DLG2: variants seen among roughly 807,000 people sequenced by gnomAD.
The protein encoded by DLG2 is disks large homolog 2.
DLG2 carries 45 observed loss-of-function variants against 132.5 expected under a neutral mutation model. The ratio of observed to expected loss-of-function variants is 0.34; its 90% CI spans 0.27 to 0.44. The LOEUF is 0.44. Among genes scored for constraint, DLG2 ranks in the 20% least tolerant of loss-of-function variants. DLG2 has a pLI of 1.00. For missense variants in DLG2, 1,045 were observed against 1,196.9 expected (o/e 0.87, Z 1.87); for synonymous variants, 424 against 419.6 (o/e 1.01, Z -0.13).
chr11:83,982,481 A>T (rs2092880313), intron 11 of DLG2, among the ~76,000 whole-genome samples: 1 of 99,516 alleles, frequency 1.0e-5, no homozygotes, highest in African/African-American at 4.6e-5. Flanking sequence ...TTTAACGTGT[A>T]AAAAAAAAAA....
chr11:85,508,963 T>C, intron 3 of DLG2, among the ~76,000 whole-genome samples: 1 of 152,052 alleles, frequency 6.6e-6, no homozygotes, highest in African/African-American at 2.4e-5. Flanking sequence ...AAAGTAATAG[T>C]ATAGTTTATT....
intron 6 of DLG2, among the ~76,000 whole-genome samples, chr11:85,042,696 G>A (rs977221080): frequency 5.6e-4 from 85 of 151,794 alleles, no homozygotes; most frequent in African/African-American, 1.9e-3. Context: ...TTAGTGGATT[G>A]CCCACACTCT....
intron 17 of DLG2, among the ~76,000 whole-genome samples, chr11:83,823,122 A>C (rs976310884): frequency 2.0e-5 from 3 of 152,090 alleles, no homozygotes; most frequent in Non-Finnish European, 4.4e-5. Flanking sequence ...TAGCTAATAA[A>C]ATAGGTTATT....
chr11:84,318,692 T>C (rs1470248192), intron 7 of DLG2, among the ~76,000 whole-genome samples: 1 of 152,210 alleles, frequency 6.6e-6, no homozygotes, highest in East Asian at 1.9e-4. Context: ...AGGGTACTTT[T>C]CCAAATTCTG....
At chr11:83,539,678 G>A (rs564489179) in intron 20 of DLG2, among the ~76,000 whole-genome samples, 1 of 151,308 alleles carries the variant, frequency 6.6e-6, no homozygotes, top group African/African-American at 2.4e-5. Flanking sequence ...ATATGAGGTG[G>A]AGCTACTGCA....
chr11:84,701,441 T>C (rs1056972723), intron 6 of DLG2, among the ~76,000 whole-genome samples: 11 of 151,598 alleles, frequency 7.3e-5, no homozygotes, highest in African/African-American at 2.4e-4. Context: ...TGAGGGAAAA[T>C]GCATGTAGCA....
intron 6 of DLG2, among the ~76,000 whole-genome samples, chr11:84,589,403 A>G (rs2099537547): frequency 1.3e-5 from 2 of 152,144 alleles, no homozygotes; most frequent in South Asian, 4.1e-4. Flanking sequence ...CATGAAAATC[A>G]GTGTAAGGTA....
At chr11:85,595,760 G>T (rs1017254693) in intron 3 of DLG2, among the ~76,000 whole-genome samples, 28 of 151,968 alleles carry the variant, frequency 1.8e-4, no homozygotes, top group African/African-American at 6.5e-4. Flanking sequence ...TTTAACCATT[G>T]AATTTTATAT....
intron 16 of DLG2, among the ~76,000 whole-genome samples, chr11:83,842,452 G>C (rs2057771363): frequency 6.6e-6 from 1 of 150,652 alleles, no homozygotes. Context: ...AAATTAGCTG[G>C]GTGTGGTAGC....
chr11:83,620,869 C>CAAAAAAA lies in DLG2; in HGVS notation c.1940+12335_1940+12341dup, dbSNP rs56868518. 3.7e-3 allele frequency among the ~76,000 whole-genome samples: 211 copies of CAAAAAAA among 57,206 alleles called. 23 individuals are homozygous for CAAAAAAA. Among genetic ancestry groups the CAAAAAAA allele is most frequent in the African/African-American group, 0.019 (195 of 10,098 alleles). 37.5% of individuals were successfully genotyped at this position (57,206 alleles called of 152,430 possible). A position where few individuals can be genotyped will look rare whatever the true frequency, so the allele number is the denominator to read the frequency against. The stretch of plus-strand genomic sequence containing the variant: ...TGGGCGACAGAGCGAGACTCCGTCT[C>CAAAAAAA]AAAAAAAAAAAAAAAAAAAAAAAAA... On this transcript the variant is annotated intron_variant, in intron 19 of 27. Coordinates refer to ENST00000376104, the MANE Select transcript of DLG2 (RefSeq NM_001142699.3).
intron 16 of DLG2, among the ~76,000 whole-genome samples, chr11:83,855,231 T>TA (rs1388819085): frequency 6.6e-6 from 1 of 152,218 alleles, no homozygotes; most frequent in Non-Finnish European, 1.5e-5. Context: ...ATGCAAATGG[T>TA]ATAGTCACTT....
At chr11:83,952,713 C>G (rs11233850) in intron 14 of DLG2, among the ~76,000 whole-genome samples, 2 of 151,870 alleles carry the variant, frequency 1.3e-5, no homozygotes, top group African/African-American at 4.8e-5. Flanking sequence ...TCTCTCATTG[C>G]ACATAGTATG....
At chr11:85,601,879 C>T (rs1483267269) in intron 2 of DLG2, among the ~76,000 whole-genome samples, 1 of 152,184 alleles carries the variant, frequency 6.6e-6, no homozygotes. Context: ...CTTCTTTAAT[C>T]TTACTCCCTG....
intron 3 of DLG2, among the ~76,000 whole-genome samples, chr11:85,555,121 G>A (rs1196762840): frequency 6.6e-6 from 1 of 151,826 alleles, no homozygotes; most frequent in Non-Finnish European, 1.5e-5. Context: ...ACTGTCTCAA[G>A]TGCATTGGGT....
chr11:84,930,186 T>C (rs1766645748), intron 6 of DLG2, among the ~76,000 whole-genome samples: 1 of 152,038 alleles, frequency 6.6e-6, no homozygotes, highest in South Asian at 2.1e-4. Flanking sequence ...CCCTACAGAG[T>C]CTTTTTTCTG....
At chr11:84,777,591 T>G (rs1751313835) in intron 6 of DLG2, among the ~76,000 whole-genome samples, 1 of 151,940 alleles carries the variant, frequency 6.6e-6, no homozygotes, top group Admixed American at 6.6e-5. Flanking sequence ...TTCCCTTTTA[T>G]TTGCATCCTC....
chr11:83,899,327 A>G (rs901975220), intron 15 of DLG2, among the ~76,000 whole-genome samples: 1 of 152,156 alleles, frequency 6.6e-6, no homozygotes, highest in African/African-American at 2.4e-5. Flanking sequence ...TTGATCTCAC[A>G]GGCCAAAAAG....
In DLG2 at chr11:85,464,385, G is replaced by A. The variant is rs993274083; in HGVS notation, c.40+134272C>T. 3.9e-5 allele frequency among the ~76,000 whole-genome samples: 6 copies of A among 152,074 alleles called. No homozygotes were observed. The South Asian group carries it at 1.0e-3, about 26-fold the overall frequency. On this transcript the variant is annotated intron_variant, in intron 3 of 27. Transcript: ENST00000376104. ...AAGGCTTGGAGGTTATGGTTTTTAC[G>A]GACAACTTGGTGGGCATGGGGCAAG...
chr11:83,612,694 A>G (rs1425943807), intron 19 of DLG2, among the ~76,000 whole-genome samples: 2 of 152,212 alleles, frequency 1.3e-5, no homozygotes, highest in African/African-American at 2.4e-5. Context: ...CTAGGAAGGC[A>G]TGGTGCCTGA....
Sources: allele counts gnomAD v4.1 joint callset (sites outside exome capture counted in the v4.1 genomes callset), GRCh38; gene constraint gnomAD v4.1.1; transcripts MANE v1.5; gene names NCBI Gene and HGNC (gene_info 2026-07-23, HGNC 2026-07-21).